Variants in MITF observed in about 807,000 individuals in gnomAD.
MITF encodes melanocyte inducing transcription factor, also known as microphthalmia-associated transcription factor.
In MITF, 17 loss-of-function variants were observed where a neutral mutation model predicts 60.5. The observed-to-expected ratio is 0.28, with a 90% CI of 0.19 to 0.42. The LOEUF (loss-of-function observed/expected upper bound fraction) is 0.42. Ranked by LOEUF, MITF falls within the 10% of genes least tolerant of loss-of-function variation. MITF has a pLI of 1.00. For synonymous variants in MITF, 260 were observed against 248.5 expected, an observed-to-expected ratio of 1.05 and a Z score of -0.43; for missense variants, 622 against 683.5, an observed-to-expected ratio of 0.91 and a Z score of 1.00.
chr3:69,797,741 C>T (rs959765911), intron 1 of MITF, among the ~76,000 whole-genome samples: 2 of 152,158 alleles, frequency 1.3e-5, no homozygotes, highest in Non-Finnish European at 2.9e-5. Flanking sequence ...TCATTTCTTC[C>T]ACCCATGTTG....
intron 1 of MITF, among the ~76,000 whole-genome samples, chr3:69,848,611 A>T (rs1178741586): frequency 2.0e-5 from 3 of 152,216 alleles, no homozygotes; most frequent in Admixed American, 2.0e-4. Flanking sequence ...CTGCACGGTA[A>T]TATCATGCTC....
intron 2 of MITF, among the ~76,000 whole-genome samples, chr3:69,905,052 T>C (rs747586657): frequency 1.1e-4 from 17 of 152,206 alleles, no homozygotes; most frequent in Non-Finnish European, 1.8e-4. Flanking sequence ...ATTATACCTC[T>C]GTGAAATGAT....
chr3:69,878,805 C>CT (rs2064413179), intron 1 of MITF, among the ~76,000 whole-genome samples: 1 of 151,730 alleles, frequency 6.6e-6, no homozygotes, highest in Non-Finnish European at 1.5e-5. Flanking sequence ...CATTAAGATG[C>CT]TTTGCTTCTT....
At chr3:69,836,171 T>C (rs987655551) in intron 1 of MITF, among the ~76,000 whole-genome samples, 3 of 152,200 alleles carry the variant, frequency 2.0e-5, no homozygotes, top group African/African-American at 4.8e-5. Context: ...ATAGTTTTCA[T>C]TGTAGAGATC....
chr3:69,956,313 A>G (rs752058418), intron 7 of MITF, 142 bp from the exon 8 acceptor site: 2 of 714,960 alleles, frequency 2.8e-6, no homozygotes, highest in Non-Finnish European at 5.1e-6. Flanking sequence ...TACCAAGAAC[A>G]TAGTAAAAAT....
intron 1 of MITF, among the ~76,000 whole-genome samples, chr3:69,792,637 A>G (rs1474319267): frequency 1.3e-5 from 2 of 152,166 alleles, no homozygotes; most frequent in Admixed American, 1.3e-4. Context: ...TCTAATTTTT[A>G]CAAAAGTGGA....
chr3:69,829,775 A>G (rs1024970028), intron 1 of MITF, among the ~76,000 whole-genome samples: 1 of 152,062 alleles, frequency 6.6e-6, no homozygotes, highest in East Asian at 1.9e-4. Context: ...CTTTCTCCCT[A>G]TGGATGTTAA....
chr3:69,908,715 C>T (rs1575936549), intron 2 of MITF, among the ~76,000 whole-genome samples: 1 of 152,224 alleles, frequency 6.6e-6, no homozygotes, highest in Non-Finnish European at 1.5e-5. Context: ...GCATCAGAAG[C>T]TTCAGTGGTT....
chr3:69,882,832 G>A (rs1223417969), intron 2 of MITF, among the ~76,000 whole-genome samples: 1 of 152,108 alleles, frequency 6.6e-6, no homozygotes, highest in Admixed American at 6.6e-5. Flanking sequence ...TAAAAGCACT[G>A]GTCGCTCTCA....
At position 69,941,302 on chromosome 3, in the gene MITF, A is replaced by T; in HGVS notation, c.733A>T (p.Met245Leu). ...SSYNEEILGL[M>L]DPALQMANTL... ...TTATAATGAGGAAATCTTGGGCTTG[A>T]TGGATCCTGCTTTGCAAATGGCAAA... The change falls in exon 5 of 10, where the codon ATG (methionine) becomes TTG (leucine). Residue 245 changes from methionine to leucine, a missense_variant. Around this residue, in one of 5 missense-constraint regions of MITF, gnomAD observed 215 missense variants for 224.8 expected, o/e 0.96. Transcript: ENST00000352241. The T allele has an allele frequency of 6.2e-7, 1 of 1,613,070 alleles. No individual in the cohort carries two copies. Among genetic ancestry groups the T allele is most frequent in the South Asian group, 1.1e-5 (1 of 91,058 alleles).
At chr3:69,774,700 C>G in intron 1 of MITF, among the ~76,000 whole-genome samples, 1 of 152,164 alleles carries the variant, frequency 6.6e-6, no homozygotes, top group East Asian at 1.9e-4. Context: ...TCCCCTTCAA[C>G]TGAGGCTCCC....
At chr3:69,864,141 G>A (rs1388719504) in intron 1 of MITF, among the ~76,000 whole-genome samples, 4 of 152,090 alleles carry the variant, frequency 2.6e-5, no homozygotes, top group African/African-American at 9.7e-5. Flanking sequence ...TAACCTATGG[G>A]TAGTCACTTA....
chr3:69,776,973 T>C (rs1835418), intron 1 of MITF, among the ~76,000 whole-genome samples: 1 of 152,316 alleles, frequency 6.6e-6, no homozygotes, highest in East Asian at 1.9e-4. Context: ...AAAATAATGT[T>C]GAGAGTAATG....
At chr3:69,885,362 A>G (rs1207385033) in intron 2 of MITF, among the ~76,000 whole-genome samples, 3 of 152,076 alleles carry the variant, frequency 2.0e-5, no homozygotes, top group Non-Finnish European at 4.4e-5. Flanking sequence ...CACAGTTCTC[A>G]TAATTCCATA....
intron 1 of MITF, among the ~76,000 whole-genome samples, chr3:69,802,509 A>G (rs1440446766): frequency 6.6e-6 from 1 of 152,068 alleles, no homozygotes; most frequent in Non-Finnish European, 1.5e-5. Flanking sequence ...TTGAGACTCA[A>G]ATATGGTGTC....
At chr3:69,875,735 A>G (rs1181767382) in intron 1 of MITF, among the ~76,000 whole-genome samples, 2 of 152,266 alleles carry the variant, frequency 1.3e-5, no homozygotes, top group African/African-American at 2.4e-5. Flanking sequence ...TTGTCCTGCT[A>G]ACATTGTGAC....
intron 1 of MITF, among the ~76,000 whole-genome samples, chr3:69,798,511 A>G (rs1032684537): frequency 6.6e-6 from 1 of 152,184 alleles, no homozygotes; most frequent in East Asian, 1.9e-4. Flanking sequence ...AGCTGCTACT[A>G]TTATTATGAT....
intron 1 of MITF, among the ~76,000 whole-genome samples, chr3:69,839,537 C>G (rs1311473000): frequency 6.6e-6 from 1 of 151,544 alleles, no homozygotes; most frequent in African/African-American, 2.4e-5. Context: ...TTGACGTGCT[C>G]TTTCAAAGGA....
At chr3:69,866,429 G>A in intron 1 of MITF, 1 of 1,544,126 alleles carries the variant, frequency 6.5e-7, no homozygotes. Context: ...GAGGATAAAG[G>A]AAGAGAAGGG....
Sources: allele counts gnomAD v4.1 joint callset (sites outside exome capture counted in the v4.1 genomes callset), GRCh38; gene constraint gnomAD v4.1.1; regional missense constraint gnomAD v4.1.1; transcripts MANE v1.5; gene names NCBI Gene and HGNC (gene_info 2026-07-23, HGNC 2026-07-21).